The following ADH1A variants were observed in gnomAD, a reference collection of about 807,000 sequenced individuals.
ADH1A encodes alcohol dehydrogenase 1A.
Under a neutral mutation model 35.2 loss-of-function variants are expected in ADH1A, and 29 were observed. The ratio of observed to expected loss-of-function variants is 0.82; its 90% CI spans 0.61 to 1.12. ADH1A has a LOEUF of 1.12. Among genes scored for constraint, ADH1A ranks in the 50% most tolerant of loss-of-function variants. The pLI is 0.00. For synonymous variants in ADH1A, 147 were observed against 164.8 expected (o/e 0.89, Z 0.83); for missense variants, 469 against 464.7 (o/e 1.01, Z -0.09).
In ADH1A at chr4:99,276,668, A is replaced by C; in HGVS notation, c.1104-20T>G. The C allele has an allele frequency of 1.2e-6, 2 of 1,606,822 alleles. No homozygotes were observed. Among genetic ancestry groups the C allele is most frequent in the Non-Finnish European group, 1.7e-6 (2 of 1,173,456 alleles). On this transcript the variant is annotated intron_variant, in intron 8 of 8. Coordinates refer to ENST00000209668, the MANE Select transcript of ADH1A (RefSeq NM_000667.4). The stretch of plus-strand genomic sequence containing the variant: ...CGGATACTGCAATAGGAAAGAAGAG[A>C]CATTGTATTAGCATTTAGACATGCT...
At chr4:99,283,313 A>G (rs1733051360) in intron 5 of ADH1A, among the ~76,000 whole-genome samples, 1 of 152,240 alleles carries the variant, frequency 6.6e-6, no homozygotes, top group Non-Finnish European at 1.5e-5. Flanking sequence ...CAAGGGACTA[A>G]GAGCTAAAGT....
Position 99,276,556 on chromosome 4 carries a change from C to T in ADH1A, c.*68G>A. The T allele has an allele frequency of 7.4e-7, 1 of 1,343,330 alleles. No individual in the cohort carries two copies. The highest frequency in any genetic ancestry group is 1.1e-6 in the Non-Finnish European group (1 of 935,832). The allele number at this position is 1,343,330 out of a possible 1,614,324, so 83.2% of individuals were successfully genotyped here. ...GAGCAGAATTAATGATATTTCCCAG[C>T]TGTTGCTCCAGATCATGTAGGGTAG... On this transcript the variant is annotated 3_prime_UTR_variant, in exon 9 of 9. Coordinates refer to ENST00000209668, the MANE Select transcript of ADH1A (RefSeq NM_000667.4).
Position 99,276,605 on chromosome 4 carries a change from G to T in ADH1A, c.*19C>A, listed in dbSNP as rs1440889946. 1.2e-6 allele frequency: 2 copies of T among 1,608,558 alleles called. No individual in the cohort carries two copies. Among genetic ancestry groups the T allele is most frequent in the Admixed American group, 1.7e-5 (1 of 59,954 alleles). Reference sequence around the variant, plus strand: ...AGAGGAGGCTGAAGACTGCCACAAGGGAAAACATCTGTATTGTCTCAAAAC... The same window carrying T: ...AGAGGAGGCTGAAGACTGCCACAAGTGAAAACATCTGTATTGTCTCAAAAC... On this transcript the variant is annotated 3_prime_UTR_variant, in exon 9 of 9. Coordinates refer to ENST00000209668, the MANE Select transcript of ADH1A (RefSeq NM_000667.4).
At chr4:99,278,091 A>G (rs1200536075) in intron 8 of ADH1A, among the ~76,000 whole-genome samples, 1 of 152,142 alleles carries the variant, frequency 6.6e-6, no homozygotes, top group African/African-American at 2.4e-5. Context: ...TTATATTTAC[A>G]TATGCATATT....
In ADH1A at chr4:99,276,471, A is replaced by C. The variant is rs2110600387; in HGVS notation, c.*153T>G. On this transcript the variant is annotated 3_prime_UTR_variant, in exon 9 of 9. Coordinates refer to ENST00000209668, the MANE Select transcript of ADH1A (RefSeq NM_000667.4). ...AAACATTTGCTTGAAAAATAATTTT[A>C]CATCAATTTCCATTTCTTTGGAAAG... The C allele has an allele frequency of 1.4e-6, 1 of 714,548 alleles. No homozygotes were observed. The highest frequency in any genetic ancestry group is 1.7e-5 in the South Asian group (1 of 58,344). The allele number at this position is 714,548 out of a possible 1,614,324, so 44.3% of individuals were successfully genotyped here. A position where few individuals can be genotyped will look rare whatever the true frequency, so the allele number is the denominator to read the frequency against.
At chr4:99,290,529 A>G (rs1463033965) in intron 1 of ADH1A, among the ~76,000 whole-genome samples, 1 of 152,204 alleles carries the variant, frequency 6.6e-6, no homozygotes, top group Non-Finnish European at 1.5e-5. Flanking sequence ...ACAAATAGTA[A>G]TACATTTAAA....
rs1270673333 is a variant in ADH1A at position 99,284,442 on chromosome 4, C to T, written c.524G>A (p.Cys175Tyr). 1.2e-6 allele frequency: 2 copies of T among 1,614,224 alleles called. No homozygotes were observed. Among genetic ancestry groups the T allele is most frequent in the South Asian group, 1.1e-5 (1 of 91,086 alleles). Reference sequence around the variant, plus strand: ...AGACCCATAACCAGTTGAAAATCCACAGCCAATGAGACAGACTTTCTCTAG... The same window carrying T: ...AGACCCATAACCAGTTGAAAATCCATAGCCAATGAGACAGACTTTCTCTAG... ...SPLEKVCLIG[C>Y]GFSTGYGSAV... The change falls in exon 5 of 9, where the codon TGT (cysteine) becomes TAT (tyrosine). Residue 175 changes from cysteine (C) to tyrosine (Y), a missense_variant. Cys to Tyr is a radical substitution (Grantham distance 194). Transcript: ENST00000209668.
At chr4:99,282,189 A>G in intron 6 of ADH1A, 157 bp downstream of exon 6, 1 of 1,407,570 alleles carries the variant, frequency 7.1e-7, no homozygotes. Flanking sequence ...AAGATTCCTC[A>G]TAACAATAAA....
At chr4:99,286,430 G>A (rs1043973009) in intron 3 of ADH1A, among the ~76,000 whole-genome samples, 1 of 152,146 alleles carries the variant, frequency 6.6e-6, no homozygotes, top group Non-Finnish European at 1.5e-5. Context: ...CGTCCATTTT[G>A]TGAACTCAGC....
At position 99,290,925 on chromosome 4, in the gene ADH1A, T is replaced by C. The variant is rs369231756; in HGVS notation, c.-11A>G. ...TCCTGCTGTGCTCATGTTGATTCTG[T>C]CTTCTCTGCAGACCAGGAGACTGGT... On this transcript the variant is annotated 5_prime_UTR_variant, in exon 1 of 9. Transcript: ENST00000209668. 9.6e-5 allele frequency: 155 copies of C among 1,613,852 alleles called. 1 individual carries two copies. The highest frequency in any genetic ancestry group is 1.2e-4 in the Non-Finnish European group (141 of 1,179,852).
At position 99,279,573 on chromosome 4, in the gene ADH1A, A is replaced by C; in HGVS notation, c.965-9T>G. The C allele has an allele frequency of 6.2e-7, 1 of 1,606,314 alleles. No homozygotes were observed. The highest frequency in any genetic ancestry group is 1.1e-5 in the South Asian group (1 of 88,422). ...TTCTTTACTTTTAAAGCCTGAAAAG[A>C]AGATGGTATCATTGTTAGATTCAAC... On this transcript the variant is annotated splice_polypyrimidine_tract_variant and intron_variant, in intron 7 of 8. Coordinates refer to ENST00000209668, the MANE Select transcript of ADH1A (RefSeq NM_000667.4).
At chr4:99,287,781 G>T in intron 1 of ADH1A, 116 bp from the exon 2 acceptor site, 1 of 1,126,214 alleles carries the variant, frequency 8.9e-7, no homozygotes, top group Non-Finnish European at 1.3e-6. Context: ...CCTAACAAGT[G>T]CTCTATAGAA....
rs1437371211 is a variant in ADH1A at position 99,284,788 on chromosome 4, G to A, written c.275C>T (p.Pro92Leu). The A allele has an allele frequency of 1.9e-6, 3 of 1,614,054 alleles. No homozygotes were observed. The highest frequency in any genetic ancestry group is 2.2e-5 in the South Asian group (2 of 91,064). The change falls in exon 4 of 9, where the codon CCA becomes CTA. Residue 92 changes from proline to leucine, a missense_variant. Physicochemically the swap from Pro to Leu is moderately conservative, Grantham distance 98 (BLOSUM62 -3). Coordinates refer to ENST00000209668, the MANE Select transcript of ADH1A (RefSeq NM_000667.4). Reference protein sequence around the residue: ...TTVKPGDKVIPLAIPQCGKCR... With the variant: ...TTVKPGDKVILLAIPQCGKCR... ...TTTTCCACACTGAGGAATAGCGAGT[G>A]GGATGACTTTATCACCTGGAGAGGG... is the stretch of plus-strand genomic sequence containing the variant.
At chr4:99,288,039 G>T (rs1579495185) in intron 1 of ADH1A, among the ~76,000 whole-genome samples, 1 of 152,256 alleles carries the variant, frequency 6.6e-6, no homozygotes, top group Non-Finnish European at 1.5e-5. Flanking sequence ...CCTTCATTTT[G>T]CTGACAGAGT....
intron 8 of ADH1A, among the ~76,000 whole-genome samples, chr4:99,276,953 A>G (rs1732884982): frequency 6.6e-6 from 1 of 152,186 alleles, no homozygotes; most frequent in African/African-American, 2.4e-5. Context: ...AATAAGGAAT[A>G]TAAAACAACA....
rs1206581826 is a variant in ADH1A at position 99,287,536 on chromosome 4, T to C, written c.120+28A>G. 3.8e-6 allele frequency: 6 copies of C among 1,594,138 alleles called. No homozygotes were observed. The East Asian group carries it at 1.1e-4, about 30-fold the overall frequency. ...TTAACTTTTCTGAGTTTTTAAAACT[T>C]AAATACAAATGGAAAAATGTATTTC... On this transcript the variant is annotated intron_variant, in intron 2 of 8. Transcript: ENST00000209668.
At chr4:99,290,397 A>T (rs1285801362) in intron 1 of ADH1A, among the ~76,000 whole-genome samples, 1 of 152,208 alleles carries the variant, frequency 6.6e-6, no homozygotes. Context: ...TGTGAGACCA[A>T]TGAGCATTTT....
intron 8 of ADH1A, among the ~76,000 whole-genome samples, chr4:99,277,946 G>T (rs1003571788): frequency 1.3e-5 from 2 of 151,800 alleles, no homozygotes; most frequent in South Asian, 4.2e-4. Context: ...TTTTTTAAGG[G>T]TTTCTGATAC....
At chr4:99,287,476 G>A in intron 2 of ADH1A, 88 bp downstream of exon 2, 1 of 1,271,508 alleles carries the variant, frequency 7.9e-7, no homozygotes, top group Non-Finnish European at 1.1e-6. Flanking sequence ...TCTATTTTCT[G>A]GATGATCATA....
Sources: allele counts gnomAD v4.1 joint callset (sites outside exome capture counted in the v4.1 genomes callset), GRCh38; gene constraint gnomAD v4.1.1; transcripts MANE v1.5; gene names NCBI Gene and HGNC (gene_info 2026-07-23, HGNC 2026-07-21).